PSD3: variants seen among roughly 807,000 people sequenced by gnomAD.
PSD3 encodes the protein pleckstrin and Sec7 domain containing 3, also known as PH and SEC7 domain-containing protein 3.
PSD3 carries 49 observed loss-of-function variants against 105.5 expected under a neutral mutation model. That is an observed-to-expected ratio of 0.46 (90% CI 0.37 to 0.59). The LOEUF is 0.59. Among genes scored for constraint, PSD3 ranks in the 20% least tolerant of loss-of-function variants. The pLI is 0.00. For missense variants in PSD3, 1,561 were observed against 1,263.8 expected, an observed-to-expected ratio of 1.24 and a Z score of -3.57; for synonymous variants, 557 against 457.8, an observed-to-expected ratio of 1.22 and a Z score of -2.77.
At chr8:18,828,159 C>A (rs576266840) in intron 4 of PSD3, among the ~76,000 whole-genome samples, 189 of 149,980 alleles carry the variant, frequency 1.3e-3, no homozygotes, top group African/African-American at 4.5e-3. Flanking sequence ...CAAGCTATGT[C>A]CTCTGGCTCC....
chr8:18,855,701 A>C (rs1815953879), intron 4 of PSD3, among the ~76,000 whole-genome samples: 1 of 9,354 alleles, frequency 1.1e-4, no homozygotes, highest in South Asian at 6.6e-3. Flanking sequence ...AAGTGTGTGA[A>C]ACACTGTCTA....
chr8:18,540,596 T>C lies in PSD3; in HGVS notation c.2929-4638A>G, dbSNP rs1446786424. Among the ~76,000 whole-genome samples, 4 of 152,194 alleles carry C rather than the reference T, an allele frequency of 2.6e-5. 1 individual carries two copies. The highest frequency in any genetic ancestry group is 2.0e-4 in the Admixed American group (3 of 15,280). ...TCCATCTATCTTCAGAACTGCACCA[T>C]TTCTCAGTACCTCTCCCATTTCTAG... On this transcript the variant is annotated intron_variant, in intron 15 of 15. Transcript: ENST00000327040.
At chr8:19,013,744 A>G (rs1037105599), upstream of PSD3, 1 of 454,042 alleles carries the variant, frequency 2.2e-6, no homozygotes, top group African/African-American at 2.1e-5. Context: ...GAGGCTGGCG[A>G]GGCTGCGAGC....
rs762958187 is a variant in PSD3, at chr8:18,804,743, C to G, written c.1790G>C (p.Arg597Thr). ...RLAKRLYQLD[R>T]FKRSDVAKHL... ...TTTTGCAACATCTGATCTTTTGAAT[C>G]TGTCCAGCTGATAAAGGCGTTTGGC... The change falls in exon 5 of 16, where the codon AGA becomes ACA. Residue 597 changes from arginine to threonine, a missense_variant. Physicochemically the swap from Arg to Thr is moderately conservative, Grantham distance 71. Transcript: ENST00000327040. 2 of 1,614,078 alleles carry G rather than the reference C, an allele frequency of 1.2e-6. No individual in the cohort carries two copies. Among genetic ancestry groups the G allele is most frequent in the Non-Finnish European group, 1.7e-6 (2 of 1,179,968 alleles).
chr8:18,665,711 G>A (rs576937906), intron 9 of PSD3, among the ~76,000 whole-genome samples: 1 of 152,274 alleles, frequency 6.6e-6, no homozygotes, highest in South Asian at 2.1e-4. Context: ...AGCTGGGTGT[G>A]GGTGGCGTGC....
chr8:18,942,466 G>A (rs62495892), intron 1 of PSD3, among the ~76,000 whole-genome samples: 27,094 of 152,138 alleles, frequency 0.18, 2,633 homozygotes, highest in African/African-American at 0.26. Context: ...ACAGTTAGGC[G>A]TTATGGGCTG....
At chr8:19,058,400 T>C (rs904014525) in intron 1 of PSD3, among the ~76,000 whole-genome samples, 1 of 148,668 alleles carries the variant, frequency 6.7e-6, no homozygotes, top group Non-Finnish European at 1.5e-5. Flanking sequence ...AATATATTTA[T>C]AATATAATCT....
chr8:18,881,238 T>C (rs1474376477), intron 2 of PSD3, among the ~76,000 whole-genome samples: 1 of 152,208 alleles, frequency 6.6e-6, no homozygotes, highest in African/African-American at 2.4e-5. Context: ...TACATTTGAA[T>C]GTTAAGATGA....
chr8:18,663,200 G>A (rs1438257459), intron 9 of PSD3, among the ~76,000 whole-genome samples: 1 of 152,146 alleles, frequency 6.6e-6, no homozygotes, highest in Non-Finnish European at 1.5e-5. Flanking sequence ...GCCGCAGAGG[G>A]AGGATCACTT....
At chr8:18,947,328 AC>A (rs1203109779) in intron 1 of PSD3, among the ~76,000 whole-genome samples, 6 of 152,338 alleles carry the variant, frequency 3.9e-5, no homozygotes, top group Non-Finnish European at 1.5e-5. Flanking sequence ...CTCGGTCCTC[AC>A]CCAGTCATCA....
At chr8:18,724,685 G>A (rs796505007) in intron 9 of PSD3, among the ~76,000 whole-genome samples, 16 of 152,186 alleles carry the variant, frequency 1.1e-4, no homozygotes, top group African/African-American at 3.9e-4. Flanking sequence ...CGGGGGAAGT[G>A]TAGAGAGTTA....
intron 4 of PSD3, among the ~76,000 whole-genome samples, chr8:18,852,698 G>A (rs1374332630): frequency 1.3e-5 from 2 of 152,140 alleles, no homozygotes; most frequent in African/African-American, 4.8e-5. Flanking sequence ...CTGGAACCTG[G>A]CCACAAGGAA....
At chr8:18,600,186 CAACTTAA>C (rs1183749124) in intron 12 of PSD3, among the ~76,000 whole-genome samples, 171 bp downstream of exon 12, 1 of 152,184 alleles carries the variant, frequency 6.6e-6, no homozygotes, top group Non-Finnish European at 1.5e-5. Flanking sequence ...GAACAGCATG[CAACTTAA>C]AACTTAAAAT....
intron 4 of PSD3, among the ~76,000 whole-genome samples, chr8:18,816,815 A>G (rs1251405601): frequency 6.6e-6 from 1 of 152,122 alleles, no homozygotes. Context: ...TAAAGCATCA[A>G]CAGATGAAAG....
intron 2 of PSD3, among the ~76,000 whole-genome samples, chr8:18,923,866 C>T (rs906842623): frequency 1.3e-5 from 2 of 149,218 alleles, no homozygotes; most frequent in African/African-American, 2.6e-5. Context: ...TGCTCCTCAG[C>T]TTTTCAACAG....
At chr8:19,078,637 G>C (rs1314500924) in intron 1 of PSD3, among the ~76,000 whole-genome samples, 9 of 152,038 alleles carry the variant, frequency 5.9e-5, no homozygotes, top group East Asian at 2.0e-4. Context: ...CAGCACCCCT[G>C]TTAGCACAAT....
chr8:18,732,377 G>C (rs1252222544), intron 9 of PSD3, among the ~76,000 whole-genome samples: 2 of 152,228 alleles, frequency 1.3e-5, no homozygotes, highest in African/African-American at 2.4e-5. Flanking sequence ...TCTGTAACAA[G>C]CTACCCCAAA....
At chr8:18,925,529 A>C (rs1375640604) in intron 2 of PSD3, among the ~76,000 whole-genome samples, 3 of 152,112 alleles carry the variant, frequency 2.0e-5, no homozygotes, top group East Asian at 1.9e-4. Flanking sequence ...CCCTAACCAA[A>C]AATCTAAAAT....
chr8:18,747,425 T>C lies in PSD3; in HGVS notation c.2172+18024A>G, dbSNP rs559617971. ...CCAGAAGTGGACATGACTGACATAATAGATGGGCAAAGTAATGTATTCTCA... is the reference window on the plus strand; with the variant it reads ...CCAGAAGTGGACATGACTGACATAACAGATGGGCAAAGTAATGTATTCTCA... On this transcript the variant is annotated intron_variant, in intron 9 of 15. Coordinates refer to ENST00000327040, the MANE Select transcript of PSD3 (RefSeq NM_015310.4). Among the ~76,000 whole-genome samples, 15 of 152,240 alleles carry C rather than the reference T, an allele frequency of 9.9e-5. 1 individual carries two copies. The East Asian group carries it at 2.9e-3, about 29-fold the overall frequency.
Sources: allele counts gnomAD v4.1 joint callset (sites outside exome capture counted in the v4.1 genomes callset), GRCh38; gene constraint gnomAD v4.1.1; transcripts MANE v1.5; gene names NCBI Gene and HGNC (gene_info 2026-07-23, HGNC 2026-07-21).